OR6C74: variants seen among roughly 807,000 people sequenced by gnomAD.
OR6C74 encodes the protein olfactory receptor family 6 subfamily C member 74, also known as olfactory receptor 6C74.
For missense variants in OR6C74, 361 were observed against 362.9 expected (o/e 0.99, Z 0.04); for synonymous variants, 142 against 134.2 (o/e 1.06, Z -0.40).
At position 55,255,174 on chromosome 12, in the gene OR6C74, G is replaced by T. The variant is rs143088388; in HGVS notation, c.*6948G>T. ...CTAGCTATCTCTTTAAAATAGTGGG[G>T]GTTCCCTAAGTTCAGGATTTCACAG... On this transcript the variant is annotated 3_prime_UTR_variant, in exon 2 of 2. Transcript: ENST00000343399. 6.6e-6 allele frequency among the ~76,000 whole-genome samples: 1 copy of T among 152,162 alleles called. No individual in the cohort carries two copies. Among genetic ancestry groups the T allele is most frequent in the East Asian group, 1.9e-4 (1 of 5,144 alleles).
In OR6C74 at chr12:55,248,259, A is replaced by G. The variant is rs1954290222; in HGVS notation, c.*33A>G. Reference sequence around the variant, plus strand: ...TAACGATATTATTAAGGTTATTAGTAAAATAAAACAAGAAGAGTGGAGTAT... The same window carrying G: ...TAACGATATTATTAAGGTTATTAGTGAAATAAAACAAGAAGAGTGGAGTAT... On this transcript the variant is annotated 3_prime_UTR_variant, in exon 2 of 2. Transcript: ENST00000343399. The G allele has an allele frequency of 7.2e-7, 1 of 1,381,452 alleles. No individual in the cohort carries two copies. Among genetic ancestry groups the G allele is most frequent in the Admixed American group, 2.1e-5 (1 of 48,576 alleles). The allele number at this position is 1,381,452 out of a possible 1,614,324, so 85.6% of individuals were successfully genotyped here. A position where few individuals can be genotyped will look rare whatever the true frequency, so the allele number is the denominator to read the frequency against.
rs1565647745 is a variant in OR6C74, at chr12:55,248,239, ATAT to A, written c.*19_*21del. 1 of 1,522,740 alleles carries A rather than the reference ATAT, an allele frequency of 6.6e-7. No homozygotes were observed. The highest frequency in any genetic ancestry group is 1.7e-5 in the Admixed American group (1 of 57,148). 94.3% of individuals were successfully genotyped at this position (1,522,740 alleles called of 1,614,324 possible). A position where few individuals can be genotyped will look rare whatever the true frequency, so the allele number is the denominator to read the frequency against. The stretch of plus-strand genomic sequence containing the variant: ...CTCAATGAAATGAATCACTTTAACG[ATAT>A]TATTAAGGTTATTAGTAAAATAAAA... On this transcript the variant is annotated 3_prime_UTR_variant, in exon 2 of 2. Coordinates refer to ENST00000343399, the MANE Select transcript of OR6C74 (RefSeq NM_001005490.2).
At position 55,249,630 on chromosome 12, in the gene OR6C74, T is replaced by C. The variant is rs1048681376; in HGVS notation, c.*1404T>C. Among the ~76,000 whole-genome samples, 2 of 152,132 alleles carry C rather than the reference T, an allele frequency of 1.3e-5. No individual in the cohort carries two copies. The highest frequency in any genetic ancestry group is 4.8e-5 in the African/African-American group (2 of 41,444). On this transcript the variant is annotated 3_prime_UTR_variant, in exon 2 of 2. Transcript: ENST00000343399. ...AATAGACTTTTCAATAGTGGTCATG[T>C]ATGTGTAAATGGTTTTTATAATACT...
rs957216282 is a variant in OR6C74, at chr12:55,251,155, A to G, written c.*2929A>G. 6.6e-6 allele frequency among the ~76,000 whole-genome samples: 1 copy of G among 152,096 alleles called. No homozygotes were observed. Among genetic ancestry groups the G allele is most frequent in the Non-Finnish European group, 1.5e-5 (1 of 67,978 alleles). The stretch of plus-strand genomic sequence containing the variant: ...CTTCTATGATGTAACCACACTAAAC[A>G]ACTAAGTATATTGCAAAACTTGTGT... On this transcript the variant is annotated 3_prime_UTR_variant, in exon 2 of 2. Coordinates refer to ENST00000343399, the MANE Select transcript of OR6C74 (RefSeq NM_001005490.2).
Position 55,247,385 on chromosome 12 carries a change from A to T in OR6C74, c.98A>T (p.Tyr33Phe), listed in dbSNP as rs113925664. Residue 33 changes from tyrosine to phenylalanine, a missense_variant, in exon 2 of 2, where the codon TAC becomes TTC. Coordinates refer to ENST00000343399, the MANE Select transcript of OR6C74 (RefSeq NM_001005490.2). ...ATTTTTCTTCTCCTTTTTTTCACCT[A>T]CATGTTGAGCATCACTGGGAATCTA... The part of the protein sequence containing the change: ...VIIFLLLFFT[Y>F]MLSITGNLTI... 2.5e-5 allele frequency: 41 copies of T among 1,611,626 alleles called. No homozygotes were observed. The African/African-American group carries it at 3.3e-4, about 13-fold the overall frequency.
rs1954288848 is a variant in OR6C74, at chr12:55,248,161, A to T, written c.874A>T (p.Asn292Tyr). The T allele has an allele frequency of 1.2e-5, 20 of 1,613,682 alleles. No individual in the cohort carries two copies. The highest frequency in any genetic ancestry group is 1.3e-5 in the Non-Finnish European group (15 of 1,179,774). The change falls in exon 2 of 2, where the codon AAC (asparagine) becomes TAC (tyrosine). Residue 292 changes from asparagine (N) to tyrosine (Y), a missense_variant. Coordinates refer to ENST00000343399, the MANE Select transcript of OR6C74 (RefSeq NM_001005490.2). ...GAATCCCTTTATTTATACACTGAGA[A>T]ACAAACAAGTAAAAGATGTTTTTAA... ...MLNPFIYTLRNKQVKDVFKHT... is the reference protein window; with the variant it reads ...MLNPFIYTLRYKQVKDVFKHT...
chr12:55,248,300 AT>A lies in OR6C74; in HGVS notation c.*75del. On this transcript the variant is annotated 3_prime_UTR_variant, in exon 2 of 2. Coordinates refer to ENST00000343399, the MANE Select transcript of OR6C74 (RefSeq NM_001005490.2). ...AGTGGAGTATGTGCAAAGTTTTTCA[AT>A]GTTTGTATTCAATAATATTACCTCT... 1 of 889,004 alleles carries A rather than the reference AT, an allele frequency of 1.1e-6. No individual in the cohort carries two copies. The highest frequency in any genetic ancestry group is 1.8e-5 in the South Asian group (1 of 55,986). 55.1% of individuals were successfully genotyped at this position (889,004 alleles called of 1,614,324 possible).
At position 55,248,109 on chromosome 12, in the gene OR6C74, G is replaced by A; in HGVS notation, c.822G>A (p.Leu274=). Residue 274 remains leucine (L), a synonymous_variant, in exon 2 of 2, where the codon CTG becomes CTA. Coordinates refer to ENST00000343399, the MANE Select transcript of OR6C74 (RefSeq NM_001005490.2). The part of the protein sequence containing the change: ...ERVSLNKGIA[L]LSTSVAPMLN... Reference sequence around the variant, plus strand: ...TGTCATTAAATAAAGGGATAGCTCTGCTCAGCACTTCTGTTGCCCCCATGT... The same window carrying A: ...TGTCATTAAATAAAGGGATAGCTCTACTCAGCACTTCTGTTGCCCCCATGT... 1 of 1,613,720 alleles carries A rather than the reference G, an allele frequency of 6.2e-7. No homozygotes were observed. The highest frequency in any genetic ancestry group is 1.1e-5 in the South Asian group (1 of 91,078).
At position 55,248,810 on chromosome 12, in the gene OR6C74, A is replaced by G. The variant is rs1346194679; in HGVS notation, c.*584A>G. On this transcript the variant is annotated 3_prime_UTR_variant, in exon 2 of 2. Transcript: ENST00000343399. ...GAAACTTCAGAGAGGTTAAAGCATT[A>G]CTGCTATTGCAGCTATCATATAGAA... Among the ~76,000 whole-genome samples the G allele has an allele frequency of 6.6e-6, 1 of 152,216 alleles. No individual in the cohort carries two copies. The highest frequency in any genetic ancestry group is 2.4e-5 in the African/African-American group (1 of 41,462).
In OR6C74 at chr12:55,249,796, G is replaced by T. The variant is rs1048161360; in HGVS notation, c.*1570G>T. Among the ~76,000 whole-genome samples the T allele has an allele frequency of 6.8e-6, 1 of 147,928 alleles. No individual in the cohort carries two copies. The highest frequency in any genetic ancestry group is 2.7e-5 in the African/African-American group (1 of 37,674). On this transcript the variant is annotated 3_prime_UTR_variant, in exon 2 of 2. Coordinates refer to ENST00000343399, the MANE Select transcript of OR6C74 (RefSeq NM_001005490.2). ...ATACTTTAAGTTCTAGGGTACATGT[G>T]CACAACGTGCAGGTTTGTTAACATA...
rs1306501802 is a variant in OR6C74 at position 55,249,062 on chromosome 12, CGAAGT to C, written c.*840_*844del. 6.6e-6 allele frequency among the ~76,000 whole-genome samples: 1 copy of C among 152,032 alleles called. No homozygotes were observed. The highest frequency in any genetic ancestry group is 1.5e-5 in the Non-Finnish European group (1 of 67,990). ...CACCGCTTACACATTTTTAGCAAAA[CGAAGT>C]GAAAATCTCTCTCTGCTCTTAAGTC... is the stretch of plus-strand genomic sequence containing the variant. On this transcript the variant is annotated 3_prime_UTR_variant, in exon 2 of 2. Transcript: ENST00000343399.
Position 55,250,165 on chromosome 12 carries a change from C to A in OR6C74, c.*1939C>A, listed in dbSNP as rs1165218776. 6.6e-6 allele frequency among the ~76,000 whole-genome samples: 1 copy of A among 152,152 alleles called. No homozygotes were observed. The highest frequency in any genetic ancestry group is 2.4e-5 in the African/African-American group (1 of 41,448). On this transcript the variant is annotated 3_prime_UTR_variant, in exon 2 of 2. Coordinates refer to ENST00000343399, the MANE Select transcript of OR6C74 (RefSeq NM_001005490.2). Reference sequence around the variant, plus strand: ...AATATCTCAGATTTTCTTCTGAACACTCTTCTCCACAATTTAAGTTGTTGC... The same window carrying A: ...AATATCTCAGATTTTCTTCTGAACAATCTTCTCCACAATTTAAGTTGTTGC...
In OR6C74 at chr12:55,250,620, T is replaced by C. The variant is rs1162907561; in HGVS notation, c.*2394T>C. Reference sequence around the variant, plus strand: ...AGAGATCAGGGTCCATTATAGGCACTTAAAATTTTTAAATTGTGCTAGGAT... The same window carrying C: ...AGAGATCAGGGTCCATTATAGGCACCTAAAATTTTTAAATTGTGCTAGGAT... On this transcript the variant is annotated 3_prime_UTR_variant, in exon 2 of 2. Coordinates refer to ENST00000343399, the MANE Select transcript of OR6C74 (RefSeq NM_001005490.2). 1.3e-5 allele frequency among the ~76,000 whole-genome samples: 2 copies of C among 152,134 alleles called. No individual in the cohort carries two copies. Among genetic ancestry groups the C allele is most frequent in the African/African-American group, 4.8e-5 (2 of 41,442 alleles).
rs370183141 is a variant in OR6C74, at chr12:55,249,694, A to G, written c.*1468A>G. The stretch of plus-strand genomic sequence containing the variant: ...AACATTTTATTTGAAAATAGAAAAT[A>G]AATATCTAGGGAGTATTCTTTAACT... On this transcript the variant is annotated 3_prime_UTR_variant, in exon 2 of 2. Transcript: ENST00000343399. 1.6e-4 allele frequency among the ~76,000 whole-genome samples: 25 copies of G among 152,296 alleles called. No individual in the cohort carries two copies. The East Asian group carries it at 4.6e-3, about 28-fold the overall frequency.
rs1049431420 is a variant in OR6C74, at chr12:55,247,629, T to C, written c.342T>C (p.Ala114=). The C allele has an allele frequency of 2.3e-5, 37 of 1,613,766 alleles. No individual in the cohort carries two copies. Among genetic ancestry groups the C allele is most frequent in the Non-Finnish European group, 3.1e-5 (37 of 1,179,946 alleles). The change falls in exon 2 of 2, where the codon GCT becomes GCC. Residue 114 remains alanine (A), a synonymous_variant. Coordinates refer to ENST00000343399, the MANE Select transcript of OR6C74 (RefSeq NM_001005490.2). ...GGGCAACTGAATTTTTTCTTCTGGC[T>C]GCCATGTCCTATGAGCGCTATGTGG... is the stretch of plus-strand genomic sequence containing the variant. The part of the protein sequence containing the change: ...LLGATEFFLL[A]AMSYERYVAI...
rs1053331971 is a variant in OR6C74, at chr12:55,244,609, C to G, written c.-218C>G. ...TTAAAAACTATAAGCTATCGTATTC[C>G]TCGTATAGACTAGAAACACCTCAGC... On this transcript the variant is annotated 5_prime_UTR_variant, in exon 1 of 2. Coordinates refer to ENST00000343399, the MANE Select transcript of OR6C74 (RefSeq NM_001005490.2). 6.6e-6 allele frequency among the ~76,000 whole-genome samples: 1 copy of G among 151,996 alleles called. No homozygotes were observed. Among genetic ancestry groups the G allele is most frequent in the African/African-American group, 2.4e-5 (1 of 41,404 alleles).
rs920743994 is a variant in OR6C74 at position 55,252,787 on chromosome 12, A to C, written c.*4561A>C. On this transcript the variant is annotated 3_prime_UTR_variant, in exon 2 of 2. Transcript: ENST00000343399. ...GGGAAGGGAAAACTAGGCTATGTCTACTTATAAAATAAAATTCCATAATTC... is the reference window on the plus strand; with the variant it reads ...GGGAAGGGAAAACTAGGCTATGTCTCCTTATAAAATAAAATTCCATAATTC... Among the ~76,000 whole-genome samples the C allele has an allele frequency of 2.0e-5, 3 of 152,030 alleles. No individual in the cohort carries two copies. The highest frequency in any genetic ancestry group is 1.3e-4 in the Admixed American group (2 of 15,244).
rs78313024 is a variant in OR6C74 at position 55,248,359 on chromosome 12, T to C, written c.*133T>C. 7,959 of 610,732 alleles carry C rather than the reference T, an allele frequency of 0.013. 119 individuals carry two copies. The highest frequency in any genetic ancestry group is 0.046 in the South Asian group (2,083 of 45,408). The allele number at this position is 610,732 out of a possible 1,614,324, so 37.8% of individuals were successfully genotyped here. On this transcript the variant is annotated 3_prime_UTR_variant, in exon 2 of 2. Coordinates refer to ENST00000343399, the MANE Select transcript of OR6C74 (RefSeq NM_001005490.2). ...CTTATAATTTTCATTATGGCCTTCC[T>C]AATCTCCAAAGCCTAACCTTCACTG... is the stretch of plus-strand genomic sequence containing the variant.
rs1308713910 is a variant in OR6C74, at chr12:55,256,549, CTT to C, written c.*8324_*8325del. Among the ~76,000 whole-genome samples, 2 of 152,076 alleles carry C rather than the reference CTT, an allele frequency of 1.3e-5. No individual in the cohort carries two copies. Among genetic ancestry groups the C allele is most frequent in the African/African-American group, 2.4e-5 (1 of 41,414 alleles). On this transcript the variant is annotated 3_prime_UTR_variant, in exon 2 of 2. Coordinates refer to ENST00000343399, the MANE Select transcript of OR6C74 (RefSeq NM_001005490.2). ...TGATGCACACACTATATTGTAAACTCTTATCTCTGTATACTGTACTTCTGCAT... is the reference window on the plus strand; with the variant it reads ...TGATGCACACACTATATTGTAAACTCATCTCTGTATACTGTACTTCTGCAT...
Sources: allele counts gnomAD v4.1 joint callset (sites outside exome capture counted in the v4.1 genomes callset), GRCh38; gene constraint gnomAD v4.1.1; transcripts MANE v1.5; gene names NCBI Gene and HGNC (gene_info 2026-07-23, HGNC 2026-07-21).